The following RAP1GAP2 variants were observed in gnomAD, a reference collection of about 807,000 sequenced individuals.
RAP1GAP2 encodes rap1 GTPase-activating protein 2.
Under a neutral mutation model 95.0 loss-of-function variants are expected in RAP1GAP2, and 27 were observed. That is an observed-to-expected ratio of 0.28 (90% CI 0.21 to 0.39). RAP1GAP2 has a LOEUF of 0.39. RAP1GAP2 is among the 10% of genes least tolerant of loss of function. RAP1GAP2 has a pLI of 1.00. For synonymous variants in RAP1GAP2, 373 were observed against 380.9 expected (o/e 0.98, Z 0.24); for missense variants, 771 against 970.0 (o/e 0.79, Z 2.72).
At chr17:2,980,132 T>A (rs576933646) in intron 8 of RAP1GAP2, among the ~76,000 whole-genome samples, 155 bp from the exon 9 acceptor site, 1 of 151,452 alleles carries the variant, frequency 6.6e-6, no homozygotes, top group Non-Finnish European at 1.5e-5. Context: ...TAGTAGAGAC[T>A]GGGTTTCACC....
At chr17:2,860,550 T>C (rs769440790) in intron 2 of RAP1GAP2, among the ~76,000 whole-genome samples, 11 of 150,118 alleles carry the variant, frequency 7.3e-5, no homozygotes, top group Non-Finnish European at 1.2e-4. Context: ...CAGGTCTCTC[T>C]CCTGTGGAAA....
At position 3,003,800 on chromosome 17, in the gene RAP1GAP2, G is replaced by A. The variant is rs1264895945; in HGVS notation, c.1201-1569G>A. On this transcript the variant is annotated intron_variant, in intron 14 of 24. Coordinates refer to ENST00000254695, the MANE Select transcript of RAP1GAP2 (RefSeq NM_015085.5). The surrounding 1 kb of genome is among the most constrained non-coding windows in gnomAD (Gnocchi z 4.1). ...TCCCCAAGAGGGGGGAACAACAAAG[G>A]CCTGGCCGCCTGGTTGGAATGGGGT... 2.0e-5 allele frequency among the ~76,000 whole-genome samples: 3 copies of A among 152,194 alleles called. No homozygotes were observed. The highest frequency in any genetic ancestry group is 4.4e-5 in the Non-Finnish European group (3 of 68,034).
intron 3 of RAP1GAP2, among the ~76,000 whole-genome samples, chr17:2,918,385 A>C (rs371938241): frequency 1.4e-5 from 2 of 147,960 alleles, no homozygotes; most frequent in African/African-American, 5.0e-5. Context: ...GTGAGTCGAC[A>C]TCGTGCCACT....
At chr17:2,929,020 A>G (rs981998042) in intron 3 of RAP1GAP2, among the ~76,000 whole-genome samples, 2 of 152,086 alleles carry the variant, frequency 1.3e-5, no homozygotes, top group Admixed American at 6.6e-5. Flanking sequence ...AATTGTTTGA[A>G]GCCAGGAGTT....
At chr17:2,991,843 C>T (rs1205724881) in intron 12 of RAP1GAP2, among the ~76,000 whole-genome samples, 2 of 152,224 alleles carry the variant, frequency 1.3e-5, no homozygotes, top group South Asian at 2.1e-4. Context: ...CAGCTCACTG[C>T]AACCTCCACC....
At chr17:2,832,294 C>T (rs2070897342) in intron 2 of RAP1GAP2, among the ~76,000 whole-genome samples, 1 of 151,312 alleles carries the variant, frequency 6.6e-6, no homozygotes, top group South Asian at 2.1e-4. Flanking sequence ...CGCGGTGGCT[C>T]ATGCCTGTAA....
chr17:2,914,630 A>G (rs1172988606), intron 3 of RAP1GAP2, among the ~76,000 whole-genome samples: 1 of 151,778 alleles, frequency 6.6e-6, no homozygotes, highest in Admixed American at 6.6e-5. Context: ...AGCTGGGACT[A>G]CAGGCGCCCG....
intron 1 of RAP1GAP2, among the ~76,000 whole-genome samples, chr17:2,756,079 G>T (rs1190951973): frequency 6.6e-6 from 1 of 152,198 alleles, no homozygotes; most frequent in East Asian, 1.9e-4. Flanking sequence ...CACCTTTCAC[G>T]CTCGCACGGG....
intron 2 of RAP1GAP2, among the ~76,000 whole-genome samples, chr17:2,858,919 A>T (rs1440502744): frequency 6.6e-6 from 1 of 150,570 alleles, no homozygotes; most frequent in African/African-American, 2.4e-5. Flanking sequence ...AAGAATTCTT[A>T]AAAAAACCCC....
intron 1 of RAP1GAP2, among the ~76,000 whole-genome samples, chr17:2,791,312 C>T (rs1426115239): frequency 1.3e-5 from 2 of 152,180 alleles, no homozygotes; most frequent in African/African-American, 4.8e-5. Flanking sequence ...CCGAGAAACA[C>T]CTACAGCCCT....
At chr17:3,007,950 G>A in intron 16 of RAP1GAP2, 61 bp from the exon 17 acceptor site, 1 of 1,569,338 alleles carries the variant, frequency 6.4e-7, no homozygotes, top group Admixed American at 1.7e-5. Context: ...GAGCTCACAA[G>A]GAGCAGGCAC....
chr17:2,906,516 G>A lies in RAP1GAP2; in HGVS notation c.165+1148G>A, dbSNP rs1358799086. On this transcript the variant is annotated intron_variant, in intron 3 of 24. Transcript: ENST00000254695. The surrounding 1 kb of genome is among the most constrained non-coding windows in gnomAD (Gnocchi z 4.3). ...AGGGCTGACCAAGGAGAGCTGTGCT[G>A]TCTTCCTTGTGCAGTACCCAGAGGG... 1.3e-5 allele frequency among the ~76,000 whole-genome samples: 2 copies of A among 152,092 alleles called. No homozygotes were observed. Among genetic ancestry groups the A allele is most frequent in the Non-Finnish European group, 2.9e-5 (2 of 68,020 alleles).
At chr17:2,964,147 A>T in intron 7 of RAP1GAP2, 79 bp downstream of exon 7, 8 of 1,058,860 alleles carry the variant, frequency 7.6e-6, no homozygotes, top group Admixed American at 2.4e-5. Context: ...ACCAGGCGGT[A>T]GGGGATGGGG....
intron 3 of RAP1GAP2, 52 bp downstream of exon 3, chr17:2,905,420 T>C: frequency 2.5e-6 from 4 of 1,572,986 alleles, no homozygotes; most frequent in Non-Finnish European, 3.5e-6. Flanking sequence ...GGGGAAGTTG[T>C]GAGGCCTTGC....
At chr17:2,779,525 AATGC>A (rs1451503098) in intron 1 of RAP1GAP2, among the ~76,000 whole-genome samples, 1 of 152,116 alleles carries the variant, frequency 6.6e-6, no homozygotes, top group Non-Finnish European at 1.5e-5. Context: ...AGACCTCCTG[AATGC>A]TTCCATTTCA....
intron 10 of RAP1GAP2, among the ~76,000 whole-genome samples, chr17:2,984,278 G>A (rs748454229): frequency 1.9e-4 from 29 of 152,144 alleles, no homozygotes; most frequent in Non-Finnish European, 4.0e-4. Context: ...AACCCGGGAG[G>A]CGGAGGTTGC....
chr17:2,911,383 G>C (rs1472336129), intron 3 of RAP1GAP2, among the ~76,000 whole-genome samples: 1 of 152,034 alleles, frequency 6.6e-6, no homozygotes, highest in East Asian at 1.9e-4. Flanking sequence ...TGGGCTGGGA[G>C]AGGGACTTGA....
chr17:2,771,482 T>C (rs1209150229), intron 2 of RAP1GAP2, among the ~76,000 whole-genome samples: 1 of 144,460 alleles, frequency 6.9e-6, no homozygotes, highest in Non-Finnish European at 1.5e-5. Context: ...AAAGCCACTT[T>C]TTTGTTTTTT....
chr17:2,889,883 A>AT (rs1377987168), intron 2 of RAP1GAP2, among the ~76,000 whole-genome samples: 5 of 69,736 alleles, frequency 7.2e-5, no homozygotes, highest in African/African-American at 1.3e-4. Context: ...ATATATATAT[A>AT]TATATATTTT....
Sources: gnomAD v4.1 joint callset for allele counts (sites outside exome capture counted in the v4.1 genomes callset) on GRCh38, gnomAD v4.1.1 for gene constraint, Gnocchi (gnomAD v3.1) non-coding constraint, MANE v1.5 for transcripts, NCBI Gene and HGNC (gene_info 2026-07-23, HGNC 2026-07-21) for gene names.